The following RANBP2 variants were observed in gnomAD, a reference collection of about 807,000 sequenced individuals.
RANBP2 encodes the protein RAN binding protein 2.
A neutral mutation model predicts 303.6 loss-of-function variants in RANBP2; 57 were observed. The ratio of observed to expected loss-of-function variants is 0.19; its 90% CI spans 0.15 to 0.23. The LOEUF (loss-of-function observed/expected upper bound fraction) is 0.23, where lower values mean the gene tolerates loss of function less well. RANBP2 is among the 10% of genes least tolerant of loss of function. The pLI is 1.00. For synonymous variants in RANBP2, 1,167 were observed against 1,301.5 expected, an observed-to-expected ratio of 0.90 and a Z score of 2.23; for missense variants, 3,138 against 3,780.8, an observed-to-expected ratio of 0.83 and a Z score of 4.46.
the RANBP2 span, among the ~76,000 whole-genome samples, chr2:109,493,689 C>A: frequency 6.6e-6 from 1 of 151,832 alleles, no homozygotes; most frequent in Non-Finnish European, 1.5e-5. Flanking sequence ...ACACCATACA[C>A]ACACCACACA....
the RANBP2 span, among the ~76,000 whole-genome samples, chr2:109,135,974 C>T: frequency 1.3e-5 from 2 of 152,138 alleles, no homozygotes; most frequent in South Asian, 2.1e-4. Context: ...ATCCTGAAAA[C>T]GAGCCCACCT....
chr2:109,081,678 C>T, the RANBP2 span, among the ~76,000 whole-genome samples: 2 of 152,190 alleles, frequency 1.3e-5, no homozygotes, highest in African/African-American at 4.8e-5. Flanking sequence ...CTTGCCCATC[C>T]TGACACCTGC....
chr2:109,684,036 G>T, the RANBP2 span, among the ~76,000 whole-genome samples: 1 of 151,668 alleles, frequency 6.6e-6, no homozygotes, highest in Admixed American at 6.6e-5. Context: ...CCACCTCCCA[G>T]GCTCAAGCGA....
chr2:108,872,948 A>T, the RANBP2 span, among the ~76,000 whole-genome samples: 2 of 152,228 alleles, frequency 1.3e-5, no homozygotes, highest in African/African-American at 4.8e-5. Flanking sequence ...ATGTGAGAGT[A>T]GTCTTTTTTT....
chr2:108,955,076 C>CATTATT, the RANBP2 span, among the ~76,000 whole-genome samples: 1 of 152,044 alleles, frequency 6.6e-6, no homozygotes, highest in Non-Finnish European at 1.5e-5. Flanking sequence ...TTAATAATAG[C>CATTATT]ATTAAAGGGT....
At chr2:109,657,592 G>C in the RANBP2 span, among the ~76,000 whole-genome samples, 176 of 152,118 alleles carry the variant, frequency 1.2e-3, no homozygotes, top group African/African-American at 4.0e-3. Context: ...GTTTAAATTG[G>C]CTATAAATTC....
the RANBP2 span, among the ~76,000 whole-genome samples, chr2:109,347,281 TCAGATTCTAC>T: frequency 6.6e-6 from 1 of 152,156 alleles, no homozygotes; most frequent in East Asian, 1.9e-4. Flanking sequence ...CCTCCTGGGT[TCAGATTCTAC>T]CTACTGCTCC....
chr2:109,082,836 TTTTTTTTGAGACG>T, the RANBP2 span, among the ~76,000 whole-genome samples: 2 of 149,606 alleles, frequency 1.3e-5, no homozygotes, highest in African/African-American at 4.9e-5. Context: ...TTTTTTTTTT[TTTTTTTTGAGACG>T]GAGTCTCACT....
At chr2:109,032,054 T>G in the RANBP2 span, among the ~76,000 whole-genome samples, 9 of 152,146 alleles carry the variant, frequency 5.9e-5, no homozygotes, top group Non-Finnish European at 1.3e-4. Context: ...AACAGAACTC[T>G]GCAGTTATCT....
At chr2:108,818,230 TG>T in the RANBP2 span, among the ~76,000 whole-genome samples, 1 of 151,844 alleles carries the variant, frequency 6.6e-6, no homozygotes, top group Non-Finnish European at 1.5e-5. Flanking sequence ...CACCTGAACC[TG>T]GGGGGGTCGA....
the RANBP2 span, among the ~76,000 whole-genome samples, chr2:108,897,510 A>G: frequency 4.6e-5 from 7 of 152,142 alleles, no homozygotes; most frequent in Non-Finnish European, 1.0e-4. Context: ...TAATTCCCTC[A>G]TGACCATTTT....
the RANBP2 span, among the ~76,000 whole-genome samples, chr2:109,184,774 T>C: frequency 6.6e-6 from 1 of 152,170 alleles, no homozygotes; most frequent in Admixed American, 6.5e-5. Flanking sequence ...GTTTGCAGAG[T>C]TCAGGGAGTT....
the RANBP2 span, among the ~76,000 whole-genome samples, chr2:109,454,501 C>CAAGT: frequency 6.6e-6 from 1 of 152,202 alleles, no homozygotes; most frequent in Non-Finnish European, 1.5e-5. Flanking sequence ...TGCAGTTGAC[C>CAAGT]AAGTCCACAC....
At chr2:109,660,366 A>C in the RANBP2 span, among the ~76,000 whole-genome samples, 1 of 152,210 alleles carries the variant, frequency 6.6e-6, no homozygotes, top group African/African-American at 2.4e-5. Context: ...AAAACTCTGT[A>C]ACCAGTTCTC....
At chr2:109,634,931 C>T in the RANBP2 span, among the ~76,000 whole-genome samples, 1 of 152,122 alleles carries the variant, frequency 6.6e-6, no homozygotes, top group Non-Finnish European at 1.5e-5. Flanking sequence ...GGCATGTTTA[C>T]TTATTTTGTC....
chr2:109,357,221 G>T, the RANBP2 span, among the ~76,000 whole-genome samples: 2 of 150,544 alleles, frequency 1.3e-5, no homozygotes, highest in African/African-American at 4.9e-5. Context: ...TTACTCTGTC[G>T]CCCAGGCTGG....
At chr2:108,912,440 G>A in the RANBP2 span, among the ~76,000 whole-genome samples, 5 of 152,062 alleles carry the variant, frequency 3.3e-5, no homozygotes, top group Admixed American at 2.6e-4. Context: ...CTATGCCCCC[G>A]CCTTCACCAC....
At chr2:109,501,569 C>T in the RANBP2 span, 83 of 779,558 alleles carry the variant, frequency 1.1e-4, 1 homozygote, top group Middle Eastern at 7.4e-3. Flanking sequence ...AAGGCGACAT[C>T]GTCTTTGTGC....
chr2:109,075,025 C>CAAAAAAAAA, the RANBP2 span, among the ~76,000 whole-genome samples: 5 of 44,670 alleles, frequency 1.1e-4, no homozygotes, highest in East Asian at 5.7e-4. Context: ...GTCTCCATCT[C>CAAAAAAAAA]AAAAAAAAAA....
Sources: allele counts gnomAD v4.1 joint callset (sites outside exome capture counted in the v4.1 genomes callset), GRCh38; gene constraint gnomAD v4.1.1; transcripts MANE v1.5; gene names NCBI Gene and HGNC (gene_info 2026-07-23, HGNC 2026-07-21).